The following AKAP10 variants were observed in gnomAD, a reference collection of about 807,000 sequenced individuals.
AKAP10 encodes A-kinase anchor protein 10, mitochondrial.
Under a neutral mutation model 80.8 loss-of-function variants are expected in AKAP10, and 24 were observed. The observed-to-expected ratio is 0.30, with a 90% CI of 0.22 to 0.42. The LOEUF (loss-of-function observed/expected upper bound fraction) is 0.42, where lower values mean the gene tolerates loss of function less well. Ranked by LOEUF, AKAP10 falls within the 10% of genes least tolerant of loss-of-function variation. The pLI is 1.00. For synonymous variants in AKAP10, 291 were observed against 277.7 expected, an observed-to-expected ratio of 1.05 and a Z score of -0.48; for missense variants, 661 against 794.9, an observed-to-expected ratio of 0.83 and a Z score of 2.03.
Position 19,958,574 on chromosome 17 carries a change from A to G in AKAP10, c.320-3T>C. The stretch of plus-strand genomic sequence containing the variant: ...CTGGTAGTCCAGACAAGATCTGCCT[A>G]AAAGATAGAAGCAAAAGAATTAGCA... On this transcript the variant is annotated splice_polypyrimidine_tract_variant and splice_region_variant and intron_variant, in intron 3 of 14. Coordinates refer to ENST00000225737, the MANE Select transcript of AKAP10 (RefSeq NM_007202.4). 6.3e-7 allele frequency: 1 copy of G among 1,582,088 alleles called. No individual in the cohort carries two copies. The highest frequency in any genetic ancestry group is 8.5e-7 in the Non-Finnish European group (1 of 1,170,532).
intron 12 of AKAP10, among the ~76,000 whole-genome samples, chr17:19,912,332 T>A (rs970104601): frequency 6.6e-6 from 1 of 151,820 alleles, no homozygotes; most frequent in African/African-American, 2.4e-5. Flanking sequence ...AGATCAGGAG[T>A]TCGAGACCAG....
chr17:19,935,035 C>G (rs984045942), intron 9 of AKAP10, among the ~76,000 whole-genome samples: 6 of 151,964 alleles, frequency 3.9e-5, no homozygotes, highest in African/African-American at 1.4e-4. Flanking sequence ...ATCAATCAAT[C>G]AATAAACAGA....
At chr17:19,963,279 G>A (rs1332604296) in intron 2 of AKAP10, among the ~76,000 whole-genome samples, 1 of 142,566 alleles carries the variant, frequency 7.0e-6, no homozygotes, top group Non-Finnish European at 1.5e-5. Context: ...GCAGTGGCAT[G>A]ACCTCGGCTC....
chr17:19,969,072 G>A (rs575800991), intron 1 of AKAP10, among the ~76,000 whole-genome samples: 76 of 152,272 alleles, frequency 5.0e-4, no homozygotes, highest in South Asian at 2.1e-3. Flanking sequence ...GGCCAGGCAC[G>A]GTGGCTCACG....
chr17:19,966,359 T>C (rs977241108), intron 2 of AKAP10, among the ~76,000 whole-genome samples: 2 of 152,176 alleles, frequency 1.3e-5, no homozygotes, highest in Non-Finnish European at 2.9e-5. Context: ...TGGAATTACT[T>C]GATTAATGTT....
intron 8 of AKAP10, 121 bp from the exon 9 acceptor site, chr17:19,936,551 T>A: frequency 1.1e-6 from 1 of 948,244 alleles, no homozygotes; most frequent in Middle Eastern, 3.4e-4. Flanking sequence ...CCTAGAACTA[T>A]AGAGCTATGT....
At chr17:19,951,278 G>C (rs1344665830) in intron 4 of AKAP10, among the ~76,000 whole-genome samples, 2 of 129,592 alleles carry the variant, frequency 1.5e-5, no homozygotes, top group Non-Finnish European at 3.4e-5. Context: ...GGAGGGAGGT[G>C]GGGGGCGCCT....
intron 9 of AKAP10, among the ~76,000 whole-genome samples, chr17:19,935,388 C>A (rs760387675): frequency 6.6e-6 from 1 of 152,140 alleles, no homozygotes; most frequent in Non-Finnish European, 1.5e-5. Context: ...GAAGGCCTAG[C>A]ACATTATTGT....
chr17:19,958,083 T>G lies in AKAP10; in HGVS notation c.808A>C (p.Thr270Pro), dbSNP rs370538280. ...CTATTTCTACTGGCTACTGTAAGTGTAGAGGAAGATTCTTGGGTTTCCATG... is the reference window on the plus strand; with the variant it reads ...CTATTTCTACTGGCTACTGTAAGTGGAGAGGAAGATTCTTGGGTTTCCATG... ...VSMETQESSSTLTVASRNSPA... is the reference protein window; with the variant it reads ...VSMETQESSSPLTVASRNSPA... The change falls in exon 4 of 15, where the codon ACA becomes CCA. Residue 270 changes from threonine to proline, a missense_variant. By Grantham distance (38) the Thr-to-Pro change is conservative. Transcript: ENST00000225737. 1.2e-6 allele frequency: 2 copies of G among 1,614,100 alleles called. No individual in the cohort carries two copies. Among genetic ancestry groups the G allele is most frequent in the African/African-American group, 2.7e-5 (2 of 74,952 alleles).
At chr17:19,916,313 A>T (rs555258534) in intron 12 of AKAP10, among the ~76,000 whole-genome samples, 1 of 152,158 alleles carries the variant, frequency 6.6e-6, no homozygotes, top group Non-Finnish European at 1.5e-5. Context: ...CCGCCAATAT[A>T]ATGTAAGTTC....
In AKAP10 at chr17:19,909,163, A is replaced by C; in HGVS notation, c.1983+18T>G. 6.3e-7 allele frequency: 1 copy of C among 1,583,144 alleles called. No individual in the cohort carries two copies. The highest frequency in any genetic ancestry group is 8.6e-7 in the Non-Finnish European group (1 of 1,166,960). ...AAAATAATACTTTTTAGTTTACACA[A>C]AACGAAGTCATCCTTACCTTTGTAG... On this transcript the variant is annotated intron_variant, in intron 14 of 14. Transcript: ENST00000225737.
At chr17:19,963,880 G>A (rs1279709393) in intron 2 of AKAP10, among the ~76,000 whole-genome samples, 1 of 150,966 alleles carries the variant, frequency 6.6e-6, no homozygotes, top group Admixed American at 6.6e-5. Flanking sequence ...TGAGCAACGG[G>A]AGTGAAACTC....
intron 1 of AKAP10, among the ~76,000 whole-genome samples, chr17:19,972,236 A>G (rs2043506933): frequency 1.3e-5 from 2 of 152,276 alleles, no homozygotes; most frequent in African/African-American, 4.8e-5. Flanking sequence ...TTGAAATGGC[A>G]TTTGATGTTT....
intron 3 of AKAP10, among the ~76,000 whole-genome samples, chr17:19,961,178 C>CA (rs776903538): frequency 0.048 from 2,668 of 55,456 alleles, 84 homozygotes; most frequent in African/African-American, 0.13. Flanking sequence ...CCCGTCTCTA[C>CA]AAAAAAAAAA....
intron 5 of AKAP10, among the ~76,000 whole-genome samples, chr17:19,943,090 T>C (rs1360235325): frequency 2.0e-5 from 3 of 152,154 alleles, no homozygotes; most frequent in Non-Finnish European, 4.4e-5. Flanking sequence ...GGTCTCACTA[T>C]GTTGACCAGG....
chr17:19,941,901 C>T lies in AKAP10; in HGVS notation c.986G>A (p.Cys329Tyr). The T allele has an allele frequency of 6.2e-7, 1 of 1,609,866 alleles. No individual in the cohort carries two copies. Among genetic ancestry groups the T allele is most frequent in the Non-Finnish European group, 8.5e-7 (1 of 1,178,104 alleles). The change falls in exon 6 of 15, where the codon TGT becomes TAT. Residue 329 changes from cysteine (C) to tyrosine (Y), a missense_variant. Physicochemically the swap from Cys to Tyr is radical, Grantham distance 194. Transcript: ENST00000225737. ...GGGATCCACCTGTCCATCTTCTCCA[C>T]AAATCCTTGCTGCAAAAGAAGTTGT... ...AMRNDIIARI[C>Y]GEDGQVDPNC...
intron 12 of AKAP10, among the ~76,000 whole-genome samples, chr17:19,916,972 C>CA (rs1567752149): frequency 1.0e-5 from 1 of 98,516 alleles, no homozygotes; most frequent in Admixed American, 1.0e-4. Flanking sequence ...ATAACAACAA[C>CA]AAAAAAACCA....
intron 13 of AKAP10, 111 bp from the exon 14 acceptor site, chr17:19,909,387 G>A: frequency 1.0e-6 from 1 of 956,952 alleles, no homozygotes; most frequent in Non-Finnish European, 1.5e-6. Context: ...TACTTATTTG[G>A]ATAAGAATTT....
In AKAP10 at chr17:19,905,397, A is replaced by G. The variant is rs774030641; in HGVS notation, c.*830T>C. 5 of 152,120 alleles carry G rather than the reference A, an allele frequency of 3.3e-5. No individual in the cohort carries two copies. The highest frequency in any genetic ancestry group is 2.0e-4 in the Admixed American group (3 of 15,274). 9.4% of individuals were successfully genotyped at this position (152,120 alleles called of 1,614,324 possible). On this transcript the variant is annotated 3_prime_UTR_variant, in exon 15 of 15. Coordinates refer to ENST00000225737, the MANE Select transcript of AKAP10 (RefSeq NM_007202.4). ...GAAGAACTGCTTTGTTCAAGGTGCC[A>G]CAGGGGCAAAAGTGGAGTCATCGCT...
Sources: allele counts gnomAD v4.1 joint callset (sites outside exome capture counted in the v4.1 genomes callset), GRCh38; gene constraint gnomAD v4.1.1; transcripts MANE v1.5; gene names NCBI Gene and HGNC (gene_info 2026-07-23, HGNC 2026-07-21).